The following CACNA1I variants were observed in gnomAD, a reference collection of about 807,000 sequenced individuals.
CACNA1I encodes the protein voltage-dependent T-type calcium channel subunit alpha-1I.
A neutral mutation model predicts 201.6 loss-of-function variants in CACNA1I; 74 were observed. The ratio of observed to expected loss-of-function variants is 0.37; its 90% CI spans 0.30 to 0.45. CACNA1I has a LOEUF of 0.45. Ranked by LOEUF, CACNA1I falls within the 20% of genes least tolerant of loss-of-function variation. The pLI, the probability that CACNA1I is intolerant of heterozygous loss-of-function variation, is 1.00. For synonymous variants in CACNA1I, 1,431 were observed against 1,345.2 expected (o/e 1.06, Z -1.40); for missense variants, 2,346 against 3,138.1 (o/e 0.75, Z 6.03).
At chr22:39,654,283 T>C (rs1934747002) in intron 10 of CACNA1I, among the ~76,000 whole-genome samples, 1 of 152,176 alleles carries the variant, frequency 6.6e-6, no homozygotes, top group South Asian at 2.1e-4. Flanking sequence ...TCAGCTTCTC[T>C]CTCCTGCACA....
At position 39,686,081 on chromosome 22, in the gene CACNA1I, C is replaced by T; in HGVS notation, c.6348C>T (p.Gly2116=). Reference sequence around the variant, plus strand: ...AGGAGGGCCGCGGTGGCGCGGGCGGCGGGGGCGCGGGCAGCGAGCACTCGG... The same window carrying T: ...AGGAGGGCCGCGGTGGCGCGGGCGGTGGGGGCGCGGGCAGCGAGCACTCGG... The part of the protein sequence containing the change: ...SDEEGRGGAG[G]GGAGSEHSET... The change falls in exon 37 of 37, where the codon GGC becomes GGT. Residue 2116 remains glycine (G), a synonymous_variant. Transcript: ENST00000402142. 8.4e-7 allele frequency: 1 copy of T among 1,189,212 alleles called. No individual in the cohort carries two copies. Among genetic ancestry groups the T allele is most frequent in the East Asian group, 3.8e-5 (1 of 26,366 alleles). 73.7% of individuals were successfully genotyped at this position (1,189,212 alleles called of 1,614,324 possible).
chr22:39,638,775 G>T (rs1346214709), intron 5 of CACNA1I, among the ~76,000 whole-genome samples: 1 of 152,150 alleles, frequency 6.6e-6, no homozygotes, highest in Non-Finnish European at 1.5e-5. Flanking sequence ...CCAGTTTCGT[G>T]GAAGATAATT....
In CACNA1I at chr22:39,662,830, G is replaced by C; in HGVS notation, c.3427G>C (p.Glu1143Gln). The C allele has an allele frequency of 1.2e-6, 2 of 1,602,370 alleles. No individual in the cohort carries two copies. Among genetic ancestry groups the C allele is most frequent in the African/African-American group, 1.3e-5 (1 of 74,790 alleles). ...CGACGTCTATAAGCCCGACTGGTGC[G>C]AGGTCCGCGAAGACTGGTCTGTCTA... is the stretch of plus-strand genomic sequence containing the variant. ...MIDVYKPDWC[E>Q]VREDWSVYLF... Residue 1143 changes from glutamate (E) to glutamine (Q), a missense_variant, in exon 18 of 37, where the codon GAG becomes CAG. Glu to Gln is a conservative substitution (Grantham distance 29, BLOSUM62 2). This residue lies in a region of CACNA1I where 158 missense variants were observed against 231.6 expected (regional missense o/e 0.68). Coordinates refer to ENST00000402142, the MANE Select transcript of CACNA1I (RefSeq NM_021096.4).
Position 39,658,135 on chromosome 22 carries a change from AC to A in CACNA1I, c.1993-13del, listed in dbSNP as rs749280512. On this transcript the variant is annotated splice_polypyrimidine_tract_variant and intron_variant, in intron 10 of 36. Coordinates refer to ENST00000402142, the MANE Select transcript of CACNA1I (RefSeq NM_021096.4). Reference sequence around the variant, plus strand: ...TGGCCTGACCGGGTCTCCATTCCCCACCCCAATGCCCCACAGCCGGAGGAGC... The same window carrying A: ...TGGCCTGACCGGGTCTCCATTCCCCACCCAATGCCCCACAGCCGGAGGAGC... 51 of 1,612,766 alleles carry A rather than the reference AC, an allele frequency of 3.2e-5. No individual in the cohort carries two copies. Among genetic ancestry groups the A allele is most frequent in the Non-Finnish European group, 4.2e-5 (49 of 1,179,306 alleles).
intron 5 of CACNA1I, among the ~76,000 whole-genome samples, chr22:39,635,878 C>T (rs1934203741): frequency 6.6e-6 from 1 of 152,198 alleles, no homozygotes; most frequent in Admixed American, 6.5e-5. Context: ...CCTCGCCCTC[C>T]CTCACCACCC....
chr22:39,614,173 T>G (rs1210910041), intron 3 of CACNA1I, among the ~76,000 whole-genome samples: 1 of 152,130 alleles, frequency 6.6e-6, no homozygotes, highest in African/African-American at 2.4e-5. Flanking sequence ...CTGTCTCAGT[T>G]TCTTCATCTG....
chr22:39,614,462 C>A (rs1232685877), intron 3 of CACNA1I, among the ~76,000 whole-genome samples: 1 of 152,226 alleles, frequency 6.6e-6, no homozygotes, highest in African/African-American at 2.4e-5. Flanking sequence ...CTTGCTTCAG[C>A]CTTCCTTTGT....
chr22:39,614,442 C>T (rs903457046), intron 3 of CACNA1I, among the ~76,000 whole-genome samples: 1 of 152,230 alleles, frequency 6.6e-6, no homozygotes, highest in African/African-American at 2.4e-5. Context: ...GAGCCCGCCT[C>T]TCTCCAGCTC....
chr22:39,651,673 C>T (rs1338271585), intron 10 of CACNA1I, among the ~76,000 whole-genome samples: 3 of 152,220 alleles, frequency 2.0e-5, no homozygotes, highest in South Asian at 2.1e-4. Context: ...CTGCTACCCT[C>T]GAGCCCCGGC....
At chr22:39,657,191 C>T (rs899790183) in intron 10 of CACNA1I, among the ~76,000 whole-genome samples, 5 of 152,202 alleles carry the variant, frequency 3.3e-5, no homozygotes, top group Non-Finnish European at 7.3e-5. Flanking sequence ...CTGCTTTGAA[C>T]ACTGGGGTTC....
intron 3 of CACNA1I, among the ~76,000 whole-genome samples, chr22:39,604,873 A>G (rs1472993958): frequency 6.6e-6 from 1 of 152,004 alleles, no homozygotes; most frequent in Admixed American, 6.6e-5. Context: ...CACCACGCTC[A>G]GCTGACTTTT....
Position 39,677,482 on chromosome 22 carries a change from G to T in CACNA1I, c.4933+63G>T, listed in dbSNP as rs765820010. Reference sequence around the variant, plus strand: ...AGCAGGGCTGCAGGAGGAACTGGGGGGGCGGGGGAGGCCTGAGACCCCTGA... The same window carrying T: ...AGCAGGGCTGCAGGAGGAACTGGGGTGGCGGGGGAGGCCTGAGACCCCTGA... On this transcript the variant is annotated intron_variant, in intron 30 of 36. Coordinates refer to ENST00000402142, the MANE Select transcript of CACNA1I (RefSeq NM_021096.4). The surrounding 1 kb of genome is among the most constrained non-coding windows in gnomAD (Gnocchi z 4.8). The T allele has an allele frequency of 5.9e-6, 7 of 1,185,828 alleles. No homozygotes were observed. Among genetic ancestry groups the T allele is most frequent in the African/African-American group, 1.5e-5 (1 of 64,652 alleles). 73.5% of individuals were successfully genotyped at this position (1,185,828 alleles called of 1,614,324 possible).
intron 10 of CACNA1I, among the ~76,000 whole-genome samples, chr22:39,655,944 G>A (rs1601501911): frequency 6.6e-6 from 1 of 152,218 alleles, no homozygotes; most frequent in Admixed American, 6.5e-5. Context: ...GCTGGAGCCA[G>A]CTGATCATCA....
chr22:39,646,947 C>CGTCCAGCAG, intron 8 of CACNA1I, 66 bp downstream of exon 8: 1 of 1,441,544 alleles, frequency 6.9e-7, no homozygotes, highest in Admixed American at 2.9e-5. Context: ...CTTTCCAGCA[C>CGTCCAGCAG]GTCCAGCAGG....
At position 39,664,934 on chromosome 22, in the gene CACNA1I, C is replaced by T. The variant is rs1935139032; in HGVS notation, c.3851+11C>T. 4 of 1,609,690 alleles carry T rather than the reference C, an allele frequency of 2.5e-6. No homozygotes were observed. The highest frequency in any genetic ancestry group is 2.5e-6 in the Non-Finnish European group (3 of 1,179,382). ...CCTACGCCCCCTGCGGTGAGGACCCCTCCTGGGCGGATGGGGGAAAGTGTC... is the reference window on the plus strand; with the variant it reads ...CCTACGCCCCCTGCGGTGAGGACCCTTCCTGGGCGGATGGGGGAAAGTGTC... On this transcript the variant is annotated intron_variant, in intron 21 of 36. Coordinates refer to ENST00000402142, the MANE Select transcript of CACNA1I (RefSeq NM_021096.4).
chr22:39,651,247 G>A (rs1025390254), intron 10 of CACNA1I, among the ~76,000 whole-genome samples: 1 of 152,178 alleles, frequency 6.6e-6, no homozygotes, highest in Non-Finnish European at 1.5e-5. Context: ...TTGGGATTTC[G>A]ACATTCTGTT....
At position 39,583,217 on chromosome 22, in the gene CACNA1I, CAACA is replaced by C. The variant is rs879787754; in HGVS notation, c.236+12231_236+12234del. On this transcript the variant is annotated intron_variant, in intron 1 of 36. Coordinates refer to ENST00000402142, the MANE Select transcript of CACNA1I (RefSeq NM_021096.4). ...CCAACAATCCATCCATCCATCCATC[CAACA>C]ATCCATCCATCCATCCATCCATTCA... 2.3e-3 allele frequency among the ~76,000 whole-genome samples: 324 copies of C among 142,978 alleles called. 5 individuals are homozygous for C. Among genetic ancestry groups the C allele is most frequent in the Middle Eastern group, 0.011 (3 of 268 alleles). 93.8% of individuals were successfully genotyped at this position (142,978 alleles called of 152,430 possible).
rs141110488 is a variant in CACNA1I at position 39,657,257 on chromosome 22, G to T, written c.1993-895G>T. Among the ~76,000 whole-genome samples the T allele has an allele frequency of 2.5e-3, 379 of 152,308 alleles. 2 individuals carry two copies. The highest frequency in any genetic ancestry group is 8.6e-3 in the African/African-American group (359 of 41,566). ...TAAAAACCAGGGGTAAACAGCTCTGGGAGCAGAGGGAGGCTCCACAGCTGT... is the reference window on the plus strand; with the variant it reads ...TAAAAACCAGGGGTAAACAGCTCTGTGAGCAGAGGGAGGCTCCACAGCTGT... On this transcript the variant is annotated intron_variant, in intron 10 of 36. Transcript: ENST00000402142.
chr22:39,654,190 G>A (rs1036635975), intron 10 of CACNA1I, among the ~76,000 whole-genome samples: 2 of 152,214 alleles, frequency 1.3e-5, no homozygotes, highest in African/African-American at 2.4e-5. Flanking sequence ...GGTGAGCAGC[G>A]ACAGAGCCGG....
Sources: gnomAD v4.1 joint callset for allele counts (sites outside exome capture counted in the v4.1 genomes callset) on GRCh38, gnomAD v4.1.1 for gene constraint, gnomAD v4.1.1 regional missense constraint, Gnocchi (gnomAD v3.1) non-coding constraint, MANE v1.5 for transcripts, NCBI Gene and HGNC (gene_info 2026-07-23, HGNC 2026-07-21) for gene names.